The following NCALD variants were observed in gnomAD, a reference collection of about 807,000 sequenced individuals.
NCALD encodes neurocalcin delta.
A neutral mutation model predicts 18.6 loss-of-function variants in NCALD; 10 were observed. The ratio of observed to expected loss-of-function variants is 0.54; its 90% confidence interval spans 0.33 to 0.91. NCALD has a LOEUF of 0.91. Among genes scored for constraint, NCALD ranks in the 40% least tolerant of loss-of-function variants. The pLI, the probability that NCALD is intolerant of heterozygous loss-of-function variation, is 0.03. For synonymous variants in NCALD, 88 were observed against 87.4 expected, an observed-to-expected ratio of 1.01 and a Z score of -0.04; for missense variants, 184 against 247.6, an observed-to-expected ratio of 0.74 and a Z score of 1.72.
chr8:102,017,850 A>G (rs1164014711), intron 2 of NCALD, among the ~76,000 whole-genome samples: 1 of 152,236 alleles, frequency 6.6e-6, no homozygotes, highest in African/African-American at 2.4e-5. Context: ...TGCAAAGCAC[A>G]TATTTAATAA....
At chr8:101,843,445 T>TGC (rs1484424413) in intron 4 of NCALD, among the ~76,000 whole-genome samples, 2 of 151,606 alleles carry the variant, frequency 1.3e-5, no homozygotes, top group African/African-American at 4.8e-5. Context: ...TACATGTGCA[T>TGC]GCACACACAC....
chr8:101,830,764 G>A (rs1478773365), intron 4 of NCALD, among the ~76,000 whole-genome samples: 2 of 146,826 alleles, frequency 1.4e-5, no homozygotes, highest in Admixed American at 6.8e-5. Context: ...TTTTTTAGAC[G>A]GAGTCTGGCT....
chr8:102,065,143 TTGGA>T (rs925742167), intron 1 of NCALD, among the ~76,000 whole-genome samples: 35 of 152,056 alleles, frequency 2.3e-4, no homozygotes, highest in South Asian at 1.7e-3. Context: ...AAAGAAACAG[TTGGA>T]GAGATGTTCT....
At chr8:101,890,714 ACTTCC>A (rs1816840617) in intron 3 of NCALD, among the ~76,000 whole-genome samples, 1 of 152,164 alleles carries the variant, frequency 6.6e-6, no homozygotes, top group Non-Finnish European at 1.5e-5. Context: ...TTAATCTTGG[ACTTCC>A]CAGCCTCCAA....
At chr8:102,004,505 TC>T (rs1341684775) in intron 2 of NCALD, among the ~76,000 whole-genome samples, 3 of 152,176 alleles carry the variant, frequency 2.0e-5, no homozygotes, top group African/African-American at 7.2e-5. Context: ...CCAATGACTT[TC>T]TTCACAGAAT....
intron 2 of NCALD, among the ~76,000 whole-genome samples, chr8:101,995,967 C>G (rs1278458681): frequency 6.6e-6 from 1 of 152,176 alleles, no homozygotes; most frequent in East Asian, 1.9e-4. Context: ...GTTGAAATGC[C>G]CCACACCTCT....
chr8:101,891,730 C>A (rs1055821600), intron 3 of NCALD, among the ~76,000 whole-genome samples: 2 of 152,210 alleles, frequency 1.3e-5, no homozygotes, highest in African/African-American at 4.8e-5. Flanking sequence ...AGTTCCCTTT[C>A]CAAGTCAAAG....
chr8:101,740,742 C>A (rs1810150634), intron 1 of NCALD, among the ~76,000 whole-genome samples: 2 of 152,180 alleles, frequency 1.3e-5, no homozygotes, highest in South Asian at 4.1e-4. Flanking sequence ...CTCCCCACAT[C>A]TCTATAAGAC....
At position 101,898,397 on chromosome 8, in the gene NCALD, T is replaced by C. The variant is rs539300520; in HGVS notation, c.-106-11170A>G. On this transcript the variant is annotated intron_variant, in intron 3 of 6. Coordinates refer to the NCALD transcript ENST00000311028. ...TTGGATTTTTGTTTTTTTAAAAAAA[T>C]GTTGAGTTTGGAGTTCTTTAATCTA... Among the ~76,000 whole-genome samples, 53 of 151,158 alleles carry C rather than the reference T, an allele frequency of 3.5e-4. 1 individual carries two copies. In the South Asian group the frequency reaches 7.1e-3, roughly 20 times the overall value.
At chr8:101,844,772 T>C (rs1586619743) in intron 4 of NCALD, among the ~76,000 whole-genome samples, 2 of 152,336 alleles carry the variant, frequency 1.3e-5, no homozygotes, top group Admixed American at 1.3e-4. Flanking sequence ...GAGCGGTGAG[T>C]TCTTATTCTA....
intron 3 of NCALD, among the ~76,000 whole-genome samples, chr8:101,898,089 T>G (rs1454033683): frequency 6.6e-6 from 1 of 152,236 alleles, no homozygotes; most frequent in East Asian, 1.9e-4. Context: ...GATTGGAAGT[T>G]TCCTGAGGCC....
At position 101,875,527 on chromosome 8, in the gene NCALD, T is replaced by C. The variant is rs1816194509; in HGVS notation, c.-20+11614A>G. On this transcript the variant is annotated intron_variant, in intron 4 of 6. Coordinates refer to the NCALD transcript ENST00000311028. ...GATATCTCGATGGTTTTTGCTAGAT[T>C]TCCATGACCATTGTGGTCTGTCTCT... Among the ~76,000 whole-genome samples, 4 of 152,330 alleles carry C rather than the reference T, an allele frequency of 2.6e-5. No individual in the cohort carries two copies. The South Asian group carries it at 6.2e-4, about 24-fold the overall frequency.
intron 1 of NCALD, among the ~76,000 whole-genome samples, chr8:101,753,594 G>T (rs1586405560): frequency 6.6e-6 from 1 of 152,202 alleles, no homozygotes; most frequent in African/African-American, 2.4e-5. Context: ...GGACTGGCTT[G>T]GGAAGGGACT....
At chr8:101,704,214 T>G (rs1173500554) in intron 2 of NCALD, among the ~76,000 whole-genome samples, 1 of 152,198 alleles carries the variant, frequency 6.6e-6, no homozygotes, top group Admixed American at 6.5e-5. Context: ...TATCCAGCAC[T>G]CAACATGGTA....
At chr8:101,983,321 T>C (rs1820691183) in intron 2 of NCALD, among the ~76,000 whole-genome samples, 1 of 152,184 alleles carries the variant, frequency 6.6e-6, no homozygotes, top group Non-Finnish European at 1.5e-5. Context: ...TCCTTTTCTT[T>C]AGGAAAGGTT....
intron 3 of NCALD, among the ~76,000 whole-genome samples, chr8:101,893,934 T>G (rs1236421089): frequency 6.8e-6 from 1 of 146,796 alleles, no homozygotes; most frequent in Non-Finnish European, 1.5e-5. Context: ...AACACCCCAC[T>G]GTCAACATTA....
intron 3 of NCALD, among the ~76,000 whole-genome samples, chr8:101,895,137 C>T (rs1200466547): frequency 6.6e-6 from 1 of 151,036 alleles, no homozygotes; most frequent in African/African-American, 2.5e-5. Flanking sequence ...AAAACGAATC[C>T]AGCAGCACAT....
intron 2 of NCALD, among the ~76,000 whole-genome samples, chr8:101,987,759 C>A (rs1820870147): frequency 6.6e-6 from 1 of 152,044 alleles, no homozygotes; most frequent in South Asian, 2.1e-4. Context: ...TTTTCCATCA[C>A]GAGAAGTAAT....
At chr8:102,073,646 G>T (rs959578446) in intron 1 of NCALD, among the ~76,000 whole-genome samples, 1 of 152,010 alleles carries the variant, frequency 6.6e-6, no homozygotes, top group Non-Finnish European at 1.5e-5. Flanking sequence ...AGTCCACAGG[G>T]TATCACATGG....
Sources: allele counts gnomAD v4.1 joint callset (sites outside exome capture counted in the v4.1 genomes callset), GRCh38; gene constraint gnomAD v4.1.1; transcripts MANE v1.5; gene names NCBI Gene and HGNC (gene_info 2026-07-23, HGNC 2026-07-21).